The following COL5A2 variants were observed in gnomAD, a reference collection of about 807,000 sequenced individuals.
COL5A2 encodes the protein collagen type V alpha 2 chain.
COL5A2 carries 23 observed loss-of-function variants against 208.2 expected under a neutral mutation model. The observed-to-expected ratio is 0.11, with a 90% CI of 0.08 to 0.16. The LOEUF is 0.16. Ranked by LOEUF, COL5A2 falls within the 10% of genes least tolerant of loss-of-function variation. The pLI is 1.00. For missense variants in COL5A2, 1,590 were observed against 1,956.4 expected (o/e 0.81, Z 3.53); for synonymous variants, 625 against 628.5 (o/e 0.99, Z 0.08).
the COL5A2 span, among the ~76,000 whole-genome samples, chr2:189,279,840 T>A: frequency 1.3e-5 from 2 of 152,118 alleles, no homozygotes; most frequent in Admixed American, 1.3e-4. Flanking sequence ...TTTATTCAAA[T>A]GAAAACTACT....
chr2:189,188,975 T>C (rs1003365190), intron 1 of COL5A2, among the ~76,000 whole-genome samples: 15 of 152,212 alleles, frequency 9.9e-5, no homozygotes, highest in Admixed American at 9.8e-4. Context: ...TTCTACACCT[T>C]CAGTGAAATT....
chr2:189,075,556 T>G, intron 16 of COL5A2, 119 bp from the exon 17 acceptor site: 12 of 727,998 alleles, frequency 1.6e-5, no homozygotes, highest in Non-Finnish European at 2.7e-5. Context: ...TAAAGTTAAC[T>G]GACAATAACC....
the COL5A2 span, among the ~76,000 whole-genome samples, chr2:189,382,478 T>G: frequency 6.6e-6 from 1 of 152,214 alleles, no homozygotes. Context: ...AAATCCCACC[T>G]TTGTCATATA....
chr2:189,253,936 T>G, the COL5A2 span, among the ~76,000 whole-genome samples: 1 of 152,272 alleles, frequency 6.6e-6, no homozygotes, highest in Non-Finnish European at 1.5e-5. Context: ...AAGATAAGTC[T>G]GAGCATAACT....
intron 1 of COL5A2, among the ~76,000 whole-genome samples, chr2:189,125,661 T>C (rs1051264294): frequency 6.6e-6 from 1 of 152,158 alleles, no homozygotes; most frequent in Non-Finnish European, 1.5e-5. Flanking sequence ...GCTTCATTTA[T>C]TGTAAGAATA....
At chr2:189,386,646 T>C in the COL5A2 span, among the ~76,000 whole-genome samples, 4 of 151,870 alleles carry the variant, frequency 2.6e-5, no homozygotes, top group Non-Finnish European at 4.4e-5. Context: ...AATAACCCCA[T>C]TAAAAAGTAG....
the COL5A2 span, among the ~76,000 whole-genome samples, chr2:189,256,411 A>C: frequency 6.6e-6 from 1 of 152,188 alleles, no homozygotes; most frequent in African/African-American, 2.4e-5. Context: ...TGTGACATGG[A>C]GAAATGATTT....
rs13433016 is a variant in COL5A2 at position 189,070,366 on chromosome 2, A to G, written c.1159-1482T>C. The stretch of plus-strand genomic sequence containing the variant: ...GAAATGCAAAGAACTGGATTTGGAA[A>G]TTTATTCTTTAGTCAGAGAGCAGAG... On this transcript the variant is annotated intron_variant, in intron 18 of 53. Transcript: ENST00000374866. Among the ~76,000 whole-genome samples, 691 of 152,296 alleles carry G rather than the reference A, an allele frequency of 4.5e-3. 5 individuals carry two copies. Among genetic ancestry groups the G allele is most frequent in the African/African-American group, 0.015 (637 of 41,564 alleles).
the COL5A2 span, among the ~76,000 whole-genome samples, chr2:189,242,271 C>A: frequency 4.6e-5 from 7 of 152,134 alleles, no homozygotes; most frequent in African/African-American, 1.4e-4. Context: ...AGCTTCTATA[C>A]ATAAAACATT....
chr2:189,052,294 T>C (rs373535897), intron 40 of COL5A2, 69 bp from the exon 41 acceptor site: 2 of 1,454,510 alleles, frequency 1.4e-6, no homozygotes, highest in Admixed American at 1.7e-5. Context: ...TTTCCTGGGA[T>C]TTTTTTTCAC....
At chr2:189,316,979 T>C in the COL5A2 span, among the ~76,000 whole-genome samples, 3 of 152,134 alleles carry the variant, frequency 2.0e-5, no homozygotes, top group African/African-American at 4.8e-5. Flanking sequence ...TGCATGCCTG[T>C]ATCAAAACAT....
At chr2:189,036,380 T>C (rs566529372) in intron 52 of COL5A2, among the ~76,000 whole-genome samples, 6 of 152,296 alleles carry the variant, frequency 3.9e-5, no homozygotes, top group African/African-American at 1.2e-4. Flanking sequence ...TAATTACTTT[T>C]CTATATTTCA....
chr2:189,086,671 T>A, intron 9 of COL5A2, 55 bp downstream of exon 9: 1 of 1,355,788 alleles, frequency 7.4e-7, no homozygotes. Context: ...TTATGTAATA[T>A]ATGTGTGTGT....
At chr2:189,378,523 G>C in the COL5A2 span, among the ~76,000 whole-genome samples, 251 of 152,224 alleles carry the variant, frequency 1.6e-3, 1 homozygote, top group African/African-American at 5.6e-3. Flanking sequence ...AAGAGATCGA[G>C]ACCATCATGG....
In COL5A2 at chr2:189,159,768, C is replaced by A. The variant is rs569571162; in HGVS notation, c.97+19740G>T. Among the ~76,000 whole-genome samples, 3 of 152,178 alleles carry A rather than the reference C, an allele frequency of 2.0e-5. No individual in the cohort carries two copies. The South Asian group carries it at 6.2e-4, about 32-fold the overall frequency. On this transcript the variant is annotated intron_variant, in intron 1 of 53. Transcript: ENST00000374866. The stretch of plus-strand genomic sequence containing the variant: ...CGGTGGCTCATGCCTGTAATCTCAG[C>A]ACTTTGGAAGGCCGAGGCTGAGGTA...
chr2:189,117,367 A>G (rs1163927148), intron 1 of COL5A2, among the ~76,000 whole-genome samples: 3 of 152,206 alleles, frequency 2.0e-5, no homozygotes, highest in African/African-American at 7.2e-5. Flanking sequence ...AGTAATTTTT[A>G]TAGCCAACCT....
chr2:189,110,280 A>C lies in COL5A2; in HGVS notation c.267T>G (p.Pro89=). Residue 89 remains proline (P), a synonymous_variant, in exon 2 of 54, where the codon CCT becomes CCG. Transcript: ENST00000374866. ...GTGAACAGACAGGACAGCATTCCCC[A>C]GGGGGCGTTACAGGGTCGGCACAGT... ...VLDCADPVTP[P]GECCPVCSQT... 6.2e-7 allele frequency: 1 copy of C among 1,614,118 alleles called. No individual in the cohort carries two copies. The highest frequency in any genetic ancestry group is 2.2e-5 in the East Asian group (1 of 44,866).
chr2:189,166,076 C>T (rs1315269902), intron 1 of COL5A2, among the ~76,000 whole-genome samples: 1 of 152,008 alleles, frequency 6.6e-6, no homozygotes, highest in African/African-American at 2.4e-5. Context: ...TAAATAAATC[C>T]CCCAAGACAT....
intron 1 of COL5A2, among the ~76,000 whole-genome samples, chr2:189,117,563 T>A (rs1420437564): frequency 6.6e-6 from 1 of 152,096 alleles, no homozygotes; most frequent in Non-Finnish European, 1.5e-5. Flanking sequence ...TGTTTCTCTT[T>A]CAAAGGAGAA....
Sources: gnomAD v4.1 joint callset for allele counts (sites outside exome capture counted in the v4.1 genomes callset) on GRCh38, gnomAD v4.1.1 for gene constraint, MANE v1.5 for transcripts, NCBI Gene and HGNC (gene_info 2026-07-23, HGNC 2026-07-21) for gene names.